Variants in FBN2 observed in about 807,000 individuals in gnomAD.
FBN2 encodes fibrillin 2.
A neutral mutation model predicts 355.6 loss-of-function variants in FBN2; 105 were observed. The ratio of observed to expected loss-of-function variants is 0.30; its 90% CI spans 0.25 to 0.35. The LOEUF (loss-of-function observed/expected upper bound fraction) is 0.35. FBN2 is among the 10% of genes least tolerant of loss of function. FBN2 has a pLI of 1.00. For synonymous variants in FBN2, 1,350 were observed against 1,301.2 expected, an observed-to-expected ratio of 1.04 and a Z score of -0.81; for missense variants, 3,280 against 3,758.7, an observed-to-expected ratio of 0.87 and a Z score of 3.33.
intron 5 of FBN2, among the ~76,000 whole-genome samples, chr5:128,470,054 A>G (rs780110690): frequency 2.1e-4 from 32 of 152,206 alleles, no homozygotes; most frequent in African/African-American, 7.7e-4. Flanking sequence ...AAGAGAAACG[A>G]GTCTAGGATA....
Position 128,366,830 on chromosome 5 carries a change from C to G in FBN2, c.2249-400G>C, listed in dbSNP as rs996169236. ...GTATTGTTCTACATTTTTCATCTAT[C>G]AATTTAGTTAATCTTCCCAATACCA... On this transcript the variant is annotated intron_variant, in intron 16 of 64. Transcript: ENST00000262464. Among the ~76,000 whole-genome samples the G allele has an allele frequency of 3.9e-5, 6 of 152,160 alleles. No individual in the cohort carries two copies. In the South Asian group the frequency reaches 1.2e-3, roughly 32 times the overall value.
intron 5 of FBN2, among the ~76,000 whole-genome samples, chr5:128,510,642 T>C (rs1429654820): frequency 2.0e-5 from 3 of 152,208 alleles, no homozygotes; most frequent in Non-Finnish European, 4.4e-5. Flanking sequence ...TTAGATTATA[T>C]ACATAAAGAA....
chr5:128,490,827 T>A (rs1470333438), intron 5 of FBN2, among the ~76,000 whole-genome samples: 1 of 152,146 alleles, frequency 6.6e-6, no homozygotes, highest in Non-Finnish European at 1.5e-5. Flanking sequence ...ACATGAACAA[T>A]AAATAGTAAA....
chr5:128,358,332 T>A (rs1271812146), intron 19 of FBN2, among the ~76,000 whole-genome samples: 1 of 152,134 alleles, frequency 6.6e-6, no homozygotes, highest in Non-Finnish European at 1.5e-5. Flanking sequence ...CTAAATTATC[T>A]GAAAGAGGTC....
At chr5:128,262,309 T>C (rs952776639) in intron 63 of FBN2, among the ~76,000 whole-genome samples, 8 of 152,158 alleles carry the variant, frequency 5.3e-5, no homozygotes, top group African/African-American at 1.4e-4. Context: ...TTCTCCTACC[T>C]CGGACTCCCA....
chr5:128,497,353 A>G (rs75138431), intron 5 of FBN2, among the ~76,000 whole-genome samples: 2 of 152,220 alleles, frequency 1.3e-5, no homozygotes, highest in Non-Finnish European at 2.9e-5. Flanking sequence ...ACTTTGAACT[A>G]TGAGCTGAAT....
intron 5 of FBN2, among the ~76,000 whole-genome samples, chr5:128,515,798 TA>T (rs913972530): frequency 4.6e-5 from 7 of 152,216 alleles, no homozygotes; most frequent in African/African-American, 9.6e-5. Context: ...TAAGTTGTAC[TA>T]AAAAAATGTA....
intron 64 of FBN2, 94 bp from the exon 65 acceptor site, chr5:128,259,923 AC>A (rs1460749851): frequency 1.5e-6 from 2 of 1,354,070 alleles, no homozygotes; most frequent in Middle Eastern, 2.0e-4. Context: ...GGTCACGAGG[AC>A]AGGCTGTGGC....
chr5:128,261,907 G>A lies in FBN2; in HGVS notation c.8193C>T (p.Gly2731=). The part of the protein sequence containing the change: ...CPPGYYRVGQ[G]HCVSGMGFNK... ...TAAATCCCATTCCTGAGACACAGTG[G>A]CTATTTGCAAAAAGCAAAGTATTGT... The change falls in exon 64 of 65, where the codon GGC becomes GGT. Residue 2731 remains glycine (G), a splice_region_variant and synonymous_variant. Coordinates refer to ENST00000262464, the MANE Select transcript of FBN2 (RefSeq NM_001999.4). 2 of 1,613,654 alleles carry A rather than the reference G, an allele frequency of 1.2e-6. No individual in the cohort carries two copies. Among genetic ancestry groups the A allele is most frequent in the Non-Finnish European group, 8.5e-7 (1 of 1,179,566 alleles).
chr5:128,298,881 G>C (rs1230234586), intron 48 of FBN2, among the ~76,000 whole-genome samples: 1 of 152,214 alleles, frequency 6.6e-6, no homozygotes, highest in African/African-American at 2.4e-5. Flanking sequence ...TGCTGGTGAG[G>C]AACTGCGTTC....
Position 128,359,431 on chromosome 5 carries a change from G to A in FBN2, c.2555-2036C>T, listed in dbSNP as rs141539412. ...AGCGACCCAAGGGAAAAAGAGATTA[G>A]TAGCCTTCAAGTCTATTCTTTGCAA... On this transcript the variant is annotated intron_variant, in intron 19 of 64. Transcript: ENST00000262464. Among the ~76,000 whole-genome samples the A allele has an allele frequency of 3.3e-5, 5 of 152,194 alleles. No individual in the cohort carries two copies. In the East Asian group the frequency reaches 9.6e-4, roughly 29 times the overall value.
At chr5:128,522,778 CT>C (rs1756467111) in intron 4 of FBN2, among the ~76,000 whole-genome samples, 1 of 152,118 alleles carries the variant, frequency 6.6e-6, no homozygotes, top group African/African-American at 2.4e-5. Context: ...GAAACAGCAA[CT>C]TATATTTCAA....
At chr5:128,326,208 C>CT (rs1204560819) in intron 34 of FBN2, among the ~76,000 whole-genome samples, 1 of 152,112 alleles carries the variant, frequency 6.6e-6, no homozygotes, top group Non-Finnish European at 1.5e-5. Flanking sequence ...GATATCTTTC[C>CT]TTCTTTATCA....
chr5:128,259,551 C>T lies in FBN2; in HGVS notation c.8643G>A (p.Lys2881=), dbSNP rs1475501488. 1 of 1,614,006 alleles carries T rather than the reference C, an allele frequency of 6.2e-7. No homozygotes were observed. The highest frequency in any genetic ancestry group is 1.7e-5 in the Admixed American group (1 of 60,006). Residue 2881 remains lysine, a synonymous_variant, in exon 65 of 65, where the codon AAG becomes AAA. Transcript: ENST00000262464. The stretch of plus-strand genomic sequence containing the variant: ...TGCTCTCTTCCAGTTTCTTAAGCTC[C>T]TTCTTCTTGTAGAGAGGGATGCTAG... ...EITSIPLYKK[K]ELKKLEESNE...
At chr5:128,266,020 A>T (rs1468013221) in intron 62 of FBN2, among the ~76,000 whole-genome samples, 1 of 152,210 alleles carries the variant, frequency 6.6e-6, no homozygotes. Context: ...AGTGACAGAT[A>T]AAAAATGTTG....
In FBN2 at chr5:128,367,826, T is replaced by G. The variant is rs953190948; in HGVS notation, c.2248+1356A>C. Reference sequence around the variant, plus strand: ...GAACTTATTTGATAATATGCATAATTCAGTTTGGTACATTTTAGAACTACG... The same window carrying G: ...GAACTTATTTGATAATATGCATAATGCAGTTTGGTACATTTTAGAACTACG... On this transcript the variant is annotated intron_variant, in intron 16 of 64. Transcript: ENST00000262464. 6.6e-4 allele frequency among the ~76,000 whole-genome samples: 101 copies of G among 152,202 alleles called. 1 individual carries two copies. The highest frequency in any genetic ancestry group is 2.3e-3 in the African/African-American group (95 of 41,554).
intron 44 of FBN2, 31 bp downstream of exon 44, chr5:128,305,480 G>C: frequency 6.2e-7 from 1 of 1,613,292 alleles, no homozygotes; most frequent in Non-Finnish European, 8.5e-7. Context: ...CTTGTGCTCA[G>C]TGCCAAAGAA....
chr5:128,306,112 A>G (rs926083460), intron 42 of FBN2, among the ~76,000 whole-genome samples, 164 bp from the exon 43 acceptor site: 6 of 152,232 alleles, frequency 3.9e-5, no homozygotes, highest in Non-Finnish European at 7.3e-5. Flanking sequence ...ATAAAAACAT[A>G]TATACCAGAA....
Position 128,408,628 on chromosome 5 carries a change from C to T in FBN2, c.1078+46G>A, listed in dbSNP as rs770831170. On this transcript the variant is annotated intron_variant, in intron 8 of 64. Coordinates refer to ENST00000262464, the MANE Select transcript of FBN2 (RefSeq NM_001999.4). ...TTCATACCTGTTTGGGCTGTTTTGT[C>T]ATTATAAAGACCCAGTGTATTGAGC... The T allele has an allele frequency of 1.1e-5, 18 of 1,612,332 alleles. No individual in the cohort carries two copies. The East Asian group carries it at 3.3e-4, about 30-fold the overall frequency.
Sources: gnomAD v4.1 joint callset for allele counts (sites outside exome capture counted in the v4.1 genomes callset) on GRCh38, gnomAD v4.1.1 for gene constraint, MANE v1.5 for transcripts, NCBI Gene and HGNC (gene_info 2026-07-23, HGNC 2026-07-21) for gene names.